Variants in FBP2 observed in about 807,000 individuals in gnomAD.
FBP2 encodes fructose-1,6-bisphosphatase isozyme 2.
Under a neutral mutation model 31.6 loss-of-function variants are expected in FBP2, and 27 were observed. The ratio of observed to expected loss-of-function variants is 0.85; its 90% confidence interval spans 0.63 to 1.18. The LOEUF (loss-of-function observed/expected upper bound fraction) is 1.18. Ranked by LOEUF, FBP2 falls within the 50% of genes most tolerant of loss-of-function variation. The pLI, the probability that FBP2 is intolerant of heterozygous loss-of-function variation, is 0.00. For missense variants in FBP2, 421 were observed against 436.1 expected (o/e 0.97, Z 0.31); for synonymous variants, 168 against 179.8 (o/e 0.93, Z 0.53).
At position 94,571,567 on chromosome 9, in the gene FBP2, C is replaced by T. The variant is rs868722501; in HGVS notation, c.462G>A (p.Leu154=). Residue 154 remains leucine, a synonymous_variant, in exon 4 of 7, where the codon CTG becomes CTA. Transcript: ENST00000375337. ...SEDEPSEKDA[L]QCGRNIVAAG... ...CGGCCACAATATTGCGGCCACACTG[C>T]AGGGCATCCTTTTCAGAAGGCTCAT... 25 of 1,613,830 alleles carry T rather than the reference C, an allele frequency of 1.5e-5. No individual in the cohort carries two copies. In the Middle Eastern group the frequency reaches 2.8e-3, roughly 181 times the overall value.
chr9:94,582,036 T>G (rs1185886524), intron 3 of FBP2, among the ~76,000 whole-genome samples: 1 of 152,206 alleles, frequency 6.6e-6, no homozygotes, highest in African/African-American at 2.4e-5. Flanking sequence ...TAAGATCAGC[T>G]GACTAACTCA....
chr9:94,593,538 C>G lies in FBP2; in HGVS notation c.170+19G>C. 6.2e-7 allele frequency: 1 copy of G among 1,606,644 alleles called. No individual in the cohort carries two copies. Among genetic ancestry groups the G allele is most frequent in the Non-Finnish European group, 8.5e-7 (1 of 1,176,218 alleles). On this transcript the variant is annotated intron_variant, in intron 1 of 6. Coordinates refer to ENST00000375337, the MANE Select transcript of FBP2 (RefSeq NM_003837.4). ...GGCCTGGGGTGCTCTGTGCCCCATGCCTGCTCCCCAGGACTCACAGGTGGG... is the reference window on the plus strand; with the variant it reads ...GGCCTGGGGTGCTCTGTGCCCCATGGCTGCTCCCCAGGACTCACAGGTGGG...
chr9:94,564,724 C>A (rs1587837428), intron 5 of FBP2, among the ~76,000 whole-genome samples: 1 of 152,104 alleles, frequency 6.6e-6, no homozygotes, highest in East Asian at 1.9e-4. Context: ...AGGTTTAGTA[C>A]CTGGGAGACA....
intron 6 of FBP2, 116 bp from the exon 7 acceptor site, chr9:94,559,248 G>A: frequency 2.4e-6 from 2 of 825,660 alleles, no homozygotes; most frequent in Non-Finnish European, 3.8e-6. Context: ...GCTAGCATGA[G>A]CGCACCATGC....
intron 6 of FBP2, among the ~76,000 whole-genome samples, chr9:94,561,571 T>C (rs1463990290): frequency 2.6e-5 from 4 of 152,060 alleles, no homozygotes; most frequent in Non-Finnish European, 5.9e-5. Context: ...TTCACTGTGT[T>C]AGCCAGGATG....
intron 6 of FBP2, among the ~76,000 whole-genome samples, chr9:94,560,636 T>C (rs1011173239): frequency 6.6e-6 from 1 of 151,550 alleles, no homozygotes; most frequent in Non-Finnish European, 1.5e-5. Flanking sequence ...TTTGGTGATA[T>C]GTTTAAACTA....
chr9:94,560,409 C>A (rs1240843606), intron 6 of FBP2, among the ~76,000 whole-genome samples: 1 of 152,142 alleles, frequency 6.6e-6, no homozygotes, highest in East Asian at 1.9e-4. Context: ...ATGACGCCCC[C>A]AGCCTGACTC....
intron 1 of FBP2, among the ~76,000 whole-genome samples, chr9:94,588,514 T>C (rs1208250670): frequency 6.6e-6 from 1 of 152,086 alleles, no homozygotes; most frequent in African/African-American, 2.4e-5. Context: ...TCCCAGCTAC[T>C]TTGGAGGCTG....
chr9:94,572,395 T>C (rs1827279030), intron 3 of FBP2, among the ~76,000 whole-genome samples: 1 of 152,106 alleles, frequency 6.6e-6, no homozygotes, highest in Admixed American at 6.5e-5. Flanking sequence ...ACTGGCCCAA[T>C]GTGAGTCTCT....
At chr9:94,563,027 C>A (rs1377452773) in intron 6 of FBP2, among the ~76,000 whole-genome samples, 1 of 152,208 alleles carries the variant, frequency 6.6e-6, no homozygotes, top group Non-Finnish European at 1.5e-5. Context: ...TCAGCTGGTG[C>A]TGAAGCTAAA....
Position 94,593,615 on chromosome 9 carries a change from T to C in FBP2, c.112A>G (p.Met38Val). ...TGELTQLLNS[M>V]LTAIKAISSA... Reference sequence around the variant, plus strand: ...GAGATGGCTTTGATGGCCGTCAGCATTGAGTTCAGCAGCTGGGTGAGCTCC... The same window carrying C: ...GAGATGGCTTTGATGGCCGTCAGCACTGAGTTCAGCAGCTGGGTGAGCTCC... Residue 38 changes from methionine (M) to valine (V), a missense_variant, in exon 1 of 7, where the codon ATG becomes GTG. Physicochemically the swap from Met to Val is conservative, Grantham distance 21. Coordinates refer to ENST00000375337, the MANE Select transcript of FBP2 (RefSeq NM_003837.4). The C allele has an allele frequency of 1.9e-6, 3 of 1,614,184 alleles. No homozygotes were observed. Among genetic ancestry groups the C allele is most frequent in the East Asian group, 2.2e-5 (1 of 44,874 alleles).
chr9:94,579,069 A>AAAAAAAAAG (rs1827347313), intron 3 of FBP2, among the ~76,000 whole-genome samples: 6 of 137,862 alleles, frequency 4.4e-5, no homozygotes, highest in African/African-American at 1.4e-4. Context: ...AAAAAAAAAA[A>AAAAAAAAAG]GGTTATTTTA....
At chr9:94,591,995 C>G (rs1398432466) in intron 1 of FBP2, among the ~76,000 whole-genome samples, 2 of 152,164 alleles carry the variant, frequency 1.3e-5, no homozygotes, top group African/African-American at 4.8e-5. Context: ...TAGCCAAGAG[C>G]CCTGCACAGA....
At chr9:94,573,688 G>A (rs1827291057) in intron 3 of FBP2, among the ~76,000 whole-genome samples, 1 of 152,106 alleles carries the variant, frequency 6.6e-6, no homozygotes, top group African/African-American at 2.4e-5. Flanking sequence ...ACTCAGCCAT[G>A]GTGTATAATT....
At chr9:94,580,759 T>A (rs1437473531) in intron 3 of FBP2, among the ~76,000 whole-genome samples, 1 of 152,204 alleles carries the variant, frequency 6.6e-6, no homozygotes, top group Admixed American at 6.5e-5. Flanking sequence ...GTCTCTAGTA[T>A]CACTACCTCT....
chr9:94,591,125 G>A (rs1031758915), intron 1 of FBP2, among the ~76,000 whole-genome samples: 3 of 152,280 alleles, frequency 2.0e-5, no homozygotes, highest in Non-Finnish European at 4.4e-5. Flanking sequence ...CTGCCTGCCA[G>A]TCCTGCGCCG....
intron 3 of FBP2, among the ~76,000 whole-genome samples, chr9:94,579,071 G>GAAAAAAAAAAAAAAA (rs1564185245): frequency 1.1e-5 from 1 of 87,196 alleles, no homozygotes; most frequent in African/African-American, 4.9e-5. Context: ...AAAAAAAAAG[G>GAAAAAAAAAAAAAAA]TTATTTTAAA....
rs1270335098 is a variant in FBP2 at position 94,558,853 on chromosome 9, T to G, written c.*85A>C. ...AGTGGATTTACCTTTTGTATACTCA[T>G]AGCTACCATCTCTGTTTATCGTTCA... On this transcript the variant is annotated 3_prime_UTR_variant, in exon 7 of 7. Transcript: ENST00000375337. 21 of 1,288,806 alleles carry G rather than the reference T, an allele frequency of 1.6e-5. No individual in the cohort carries two copies. In the East Asian group the frequency reaches 2.6e-4, roughly 16 times the overall value. The allele number at this position is 1,288,806 out of a possible 1,614,324, so 79.8% of individuals were successfully genotyped here. A position where few individuals can be genotyped will look rare whatever the true frequency, so the allele number is the denominator to read the frequency against.
At chr9:94,587,741 C>T (rs1363967485) in intron 1 of FBP2, among the ~76,000 whole-genome samples, 6 of 152,112 alleles carry the variant, frequency 3.9e-5, no homozygotes, top group Admixed American at 3.3e-4. Context: ...AGTCTCAGCA[C>T]GAGGAGATGG....
Sources: gnomAD v4.1 joint callset for allele counts (sites outside exome capture counted in the v4.1 genomes callset) on GRCh38, gnomAD v4.1.1 for gene constraint, MANE v1.5 for transcripts, NCBI Gene and HGNC (gene_info 2026-07-23, HGNC 2026-07-21) for gene names.